SRRM4: variants seen among roughly 807,000 people sequenced by gnomAD.
SRRM4 encodes the protein serine/arginine repetitive matrix protein 4.
In SRRM4, 33 loss-of-function variants were observed where a neutral mutation model predicts 68.9. The observed-to-expected ratio is 0.48, with a 90% CI of 0.36 to 0.64. The LOEUF is 0.64. Ranked by LOEUF, SRRM4 falls within the 30% of genes least tolerant of loss-of-function variation. The pLI is 0.00. For synonymous variants in SRRM4, 318 were observed against 318.8 expected, an observed-to-expected ratio of 1.00 and a Z score of 0.03; for missense variants, 817 against 827.1, an observed-to-expected ratio of 0.99 and a Z score of 0.15.
intron 5 of SRRM4, among the ~76,000 whole-genome samples, chr12:119,120,692 G>C (rs893562317): frequency 1.3e-5 from 2 of 152,194 alleles, no homozygotes; most frequent in African/African-American, 2.4e-5. Context: ...ACAGGGTCCT[G>C]ACTCCAAACT....
intron 4 of SRRM4, among the ~76,000 whole-genome samples, chr12:119,119,899 G>A (rs1350983859): frequency 1.3e-5 from 2 of 151,974 alleles, no homozygotes; most frequent in Non-Finnish European, 1.5e-5. Context: ...TTTGGGGGAG[G>A]ATTGGAGCAC....
intron 1 of SRRM4, among the ~76,000 whole-genome samples, chr12:119,015,238 T>C (rs749339625): frequency 5.9e-5 from 9 of 152,162 alleles, no homozygotes; most frequent in Non-Finnish European, 1.3e-4. Context: ...GGTCTATCAC[T>C]TATAAATAAA....
intron 1 of SRRM4, among the ~76,000 whole-genome samples, chr12:118,997,781 C>T (rs1221635363): frequency 6.6e-6 from 1 of 152,188 alleles, no homozygotes; most frequent in East Asian, 1.9e-4. Flanking sequence ...CACGCAACAT[C>T]TCCTTTAAGC....
intron 1 of SRRM4, among the ~76,000 whole-genome samples, chr12:119,055,449 T>C (rs905453013): frequency 2.0e-5 from 3 of 152,206 alleles, no homozygotes; most frequent in African/African-American, 7.2e-5. Flanking sequence ...AGGGTTTTTT[T>C]CCAAGTGGCA....
At position 119,159,837 on chromosome 12, in the gene SRRM4, T is replaced by C. The variant is rs1954498702; in HGVS notation, c.*3039T>C. 6.6e-6 allele frequency: 1 copy of C among 151,948 alleles called. No homozygotes were observed. The highest frequency in any genetic ancestry group is 1.5e-5 in the Non-Finnish European group (1 of 68,000). 9.4% of individuals were successfully genotyped at this position (151,948 alleles called of 1,614,324 possible). A position where few individuals can be genotyped will look rare whatever the true frequency, so the allele number is the denominator to read the frequency against. On this transcript the variant is annotated 3_prime_UTR_variant, in exon 13 of 13. Transcript: ENST00000267260. Reference sequence around the variant, plus strand: ...AGCAAAAGCTTTTATCTATGATCTCTTGCTGTTTCATCAGGGGAAAGCACA... The same window carrying C: ...AGCAAAAGCTTTTATCTATGATCTCCTGCTGTTTCATCAGGGGAAAGCACA...
At chr12:119,016,455 A>T (rs1953481614) in intron 1 of SRRM4, among the ~76,000 whole-genome samples, 1 of 139,954 alleles carries the variant, frequency 7.1e-6, no homozygotes, top group African/African-American at 2.8e-5. Flanking sequence ...CGATGTAATT[A>T]AAAAAAAAAA....
chr12:118,998,801 T>C (rs771561086), intron 1 of SRRM4, among the ~76,000 whole-genome samples: 2 of 152,218 alleles, frequency 1.3e-5, no homozygotes, highest in African/African-American at 2.4e-5. Flanking sequence ...TGAATGTATA[T>C]ATTTGGCCAG....
At chr12:119,109,764 C>T (rs1823873865) in intron 2 of SRRM4, among the ~76,000 whole-genome samples, 1 of 152,204 alleles carries the variant, frequency 6.6e-6, no homozygotes. Context: ...TGGGTTCAAA[C>T]ATCCTCCTTT....
intron 2 of SRRM4, 50 bp from the exon 3 acceptor site, chr12:119,114,228 G>A (rs1193739584): frequency 1.6e-5 from 24 of 1,526,676 alleles, no homozygotes; most frequent in Non-Finnish European, 1.9e-5. Flanking sequence ...TCTGGTTGGG[G>A]AGTTGGGGAA....
chr12:119,012,213 C>T (rs946271626), intron 1 of SRRM4, among the ~76,000 whole-genome samples: 11 of 152,150 alleles, frequency 7.2e-5, no homozygotes, highest in Admixed American at 4.6e-4. Context: ...TTCATTCATT[C>T]GTGCAGCAAG....
chr12:119,134,512 C>A (rs1409296088), intron 8 of SRRM4, among the ~76,000 whole-genome samples: 2 of 151,968 alleles, frequency 1.3e-5, no homozygotes, highest in Non-Finnish European at 2.9e-5. Flanking sequence ...GGGATTGAGT[C>A]AGGAGCACCA....
chr12:119,137,980 G>T (rs1334362104), intron 8 of SRRM4, among the ~76,000 whole-genome samples: 5 of 151,978 alleles, frequency 3.3e-5, no homozygotes, highest in Non-Finnish European at 7.4e-5. Flanking sequence ...TACTCACAGA[G>T]GGATCAGAGT....
chr12:119,069,231 C>A (rs901567881), intron 1 of SRRM4, among the ~76,000 whole-genome samples: 1 of 152,134 alleles, frequency 6.6e-6, no homozygotes. Flanking sequence ...GGTTCCTGCC[C>A]CTGGCTGGGC....
At chr12:119,117,426 A>G (rs1371814804) in intron 4 of SRRM4, among the ~76,000 whole-genome samples, 5 of 152,132 alleles carry the variant, frequency 3.3e-5, no homozygotes, top group Admixed American at 2.6e-4. Flanking sequence ...CTTGTTCCTT[A>G]TTCCAAATTC....
chr12:119,019,310 A>C (rs1255354105), intron 1 of SRRM4, among the ~76,000 whole-genome samples: 2 of 152,222 alleles, frequency 1.3e-5, no homozygotes, highest in East Asian at 3.9e-4. Context: ...AAGACACGTC[A>C]ACCATCCCCC....
At chr12:119,052,784 C>T (rs903146371) in intron 1 of SRRM4, among the ~76,000 whole-genome samples, 1 of 152,198 alleles carries the variant, frequency 6.6e-6, no homozygotes, top group Non-Finnish European at 1.5e-5. Flanking sequence ...CCACCTCGGC[C>T]TCCCAAAGTG....
chr12:119,155,204 A>G (rs545149166), intron 12 of SRRM4, among the ~76,000 whole-genome samples: 26 of 152,344 alleles, frequency 1.7e-4, no homozygotes, highest in African/African-American at 6.0e-4. Context: ...TCAGAAGAGA[A>G]AAGCTCTAGC....
intron 1 of SRRM4, among the ~76,000 whole-genome samples, chr12:119,092,986 T>G (rs1954022992): frequency 6.6e-6 from 1 of 152,190 alleles, no homozygotes. Flanking sequence ...TCAGGGCCTT[T>G]GCACTGGCTC....
intron 1 of SRRM4, among the ~76,000 whole-genome samples, chr12:119,070,500 C>T (rs569020304): frequency 6.8e-4 from 103 of 152,066 alleles, no homozygotes; most frequent in African/African-American, 2.4e-3. Context: ...GGTTGAGTGC[C>T]CAGATCTCCA....
Sources: gnomAD v4.1 joint callset for allele counts (sites outside exome capture counted in the v4.1 genomes callset) on GRCh38, gnomAD v4.1.1 for gene constraint, MANE v1.5 for transcripts, NCBI Gene and HGNC (gene_info 2026-07-23, HGNC 2026-07-21) for gene names.